The following SHC3 variants were observed in gnomAD, a reference collection of about 807,000 sequenced individuals.
SHC3 encodes SHC-transforming protein 3.
SHC3 carries 15 observed loss-of-function variants against 60.4 expected under a neutral mutation model. The observed-to-expected ratio is 0.25, with a 90% confidence interval of 0.17 to 0.38. The LOEUF (loss-of-function observed/expected upper bound fraction) is 0.38, where lower values mean the gene tolerates loss of function less well. Among genes scored for constraint, SHC3 ranks in the 10% least tolerant of loss-of-function variants. The probability of loss-of-function intolerance (pLI) is 1.00; values close to 1 mark genes in which losing one functional copy is unlikely to be tolerated. For missense variants in SHC3, 677 were observed against 786.1 expected (o/e 0.86, Z 1.66); for synonymous variants, 294 against 325.9 (o/e 0.90, Z 1.05).
At chr9:89,173,753 G>A (rs1826903878) in intron 1 of SHC3, among the ~76,000 whole-genome samples, 1 of 152,022 alleles carries the variant, frequency 6.6e-6, no homozygotes, top group Non-Finnish European at 1.5e-5. Context: ...GTGTATATGT[G>A]TGTGGTGTGT....
chr9:89,109,436 A>C, intron 2 of SHC3: 1 of 985,448 alleles, frequency 1.0e-6, no homozygotes, highest in Non-Finnish European at 1.2e-6. Flanking sequence ...AAGGGTGCTC[A>C]GAGACATGAT....
chr9:89,075,600 T>C (rs1365203748), intron 3 of SHC3, among the ~76,000 whole-genome samples: 4 of 152,134 alleles, frequency 2.6e-5, no homozygotes, highest in Non-Finnish European at 5.9e-5. Context: ...CCTGGTATCA[T>C]CACACCTACT....
intron 1 of SHC3, among the ~76,000 whole-genome samples, chr9:89,172,507 C>T (rs1564197398): frequency 6.6e-6 from 1 of 151,848 alleles, no homozygotes; most frequent in Non-Finnish European, 1.5e-5. Context: ...CCCCACACCC[C>T]ATCACACACA....
rs911085225 is a variant in SHC3, at chr9:89,012,132, T to C, written c.*1315A>G. ...AAGAGCCACGCTGCCAGCAAGCAAA[T>C]GGATCCATCTATTCTTTAAAGGGCA... On this transcript the variant is annotated 3_prime_UTR_variant, in exon 12 of 12. Coordinates refer to ENST00000375835, the MANE Select transcript of SHC3 (RefSeq NM_016848.6). The C allele has an allele frequency of 6.6e-6, 1 of 152,176 alleles. No individual in the cohort carries two copies. The highest frequency in any genetic ancestry group is 1.5e-5 in the Non-Finnish European group (1 of 68,058). 9.4% of individuals were successfully genotyped at this position (152,176 alleles called of 1,614,324 possible).
intron 1 of SHC3, among the ~76,000 whole-genome samples, chr9:89,122,072 C>A (rs1418963763): frequency 6.6e-6 from 1 of 152,208 alleles, no homozygotes; most frequent in Non-Finnish European, 1.5e-5. Flanking sequence ...ATTCTATATA[C>A]CCCAACACAA....
chr9:89,129,412 C>G (rs1233518246), intron 1 of SHC3, among the ~76,000 whole-genome samples: 1 of 152,142 alleles, frequency 6.6e-6, no homozygotes, highest in Non-Finnish European at 1.5e-5. Flanking sequence ...GAGAATGACA[C>G]AAAGATACTC....
intron 9 of SHC3, 56 bp downstream of exon 9, chr9:89,045,690 T>C (rs570144858): frequency 3.3e-5 from 51 of 1,522,758 alleles, no homozygotes; most frequent in South Asian, 1.9e-4. Context: ...GTGGTGAGCA[T>C]GTTACTTTTG....
At chr9:89,153,307 T>A (rs1826571489) in intron 1 of SHC3, among the ~76,000 whole-genome samples, 1 of 152,150 alleles carries the variant, frequency 6.6e-6, no homozygotes, top group Admixed American at 6.5e-5. Context: ...AATAACTTGG[T>A]ATTATGAGAA....
chr9:89,006,856 C>T lies in SHC3; in HGVS notation c.*6591G>A, dbSNP rs762232607. Reference sequence around the variant, plus strand: ...ATTAATATTTAAAGACGGATTTATCCATTAATGCCTGTTTTAATTGTCACT... The same window carrying T: ...ATTAATATTTAAAGACGGATTTATCTATTAATGCCTGTTTTAATTGTCACT... On this transcript the variant is annotated 3_prime_UTR_variant, in exon 12 of 12. Coordinates refer to ENST00000375835, the MANE Select transcript of SHC3 (RefSeq NM_016848.6). 6.6e-6 allele frequency: 1 copy of T among 152,126 alleles called. No individual in the cohort carries two copies. Among genetic ancestry groups the T allele is most frequent in the Non-Finnish European group, 1.5e-5 (1 of 68,020 alleles). 9.4% of individuals were successfully genotyped at this position (152,126 alleles called of 1,614,324 possible). A position where few individuals can be genotyped will look rare whatever the true frequency, so the allele number is the denominator to read the frequency against.
rs1391832867 is a variant in SHC3 at position 89,178,219 on chromosome 9, A to T, written c.242T>A (p.Leu81His). 6.9e-7 allele frequency: 1 copy of T among 1,445,480 alleles called. No individual in the cohort carries two copies. Among genetic ancestry groups the T allele is most frequent in the South Asian group, 1.4e-5 (1 of 71,742 alleles). 89.5% of individuals were successfully genotyped at this position (1,445,480 alleles called of 1,614,324 possible). The change falls in exon 1 of 12, where the codon CTC (leucine) becomes CAC (histidine). Residue 81 changes from leucine to histidine, a missense_variant. Physicochemically the swap from Leu to His is moderately conservative, Grantham distance 99. Coordinates refer to ENST00000375835, the MANE Select transcript of SHC3 (RefSeq NM_016848.6). This position sits in a 1 kb window ranked among gnomAD's most constrained non-coding sequence, Gnocchi z 6.9. The stretch of plus-strand genomic sequence containing the variant: ...CCGGGCGGCCGACGACAGGCCGCGG[A>T]GGCCCGAGCTGGAGAGTTTCAGGTG... ...VSHLKLSSSG[L>H]RGLSSAARER...
At chr9:89,093,067 C>A (rs1052809436) in intron 2 of SHC3, among the ~76,000 whole-genome samples, 4 of 152,172 alleles carry the variant, frequency 2.6e-5, no homozygotes, top group African/African-American at 9.7e-5. Flanking sequence ...CATGGACATA[C>A]TGTGGACATA....
chr9:89,107,079 C>T (rs970830719), intron 2 of SHC3, among the ~76,000 whole-genome samples: 3 of 152,144 alleles, frequency 2.0e-5, no homozygotes, highest in Non-Finnish European at 2.9e-5. Context: ...AACTGCTGCA[C>T]AGAGTTGGAC....
chr9:89,125,310 A>C (rs9410460), intron 1 of SHC3, among the ~76,000 whole-genome samples: 151,641 of 152,234 alleles, frequency 1, 75,530 homozygotes, highest in East Asian at 1. Context: ...TGTGTTCAGG[A>C]CAGATAAGTT....
rs752197758 is a variant in SHC3, at chr9:89,046,906, G to T, written c.1051C>A (p.Pro351Thr). Reference protein sequence around the residue: ...YYNSIPSKMPPPGGFLDTRLK... With the variant: ...YYNSIPSKMPTPGGFLDTRLK... ...CTAGTATCAAGAAAGCCCCCTGGAG[G>T]AGGCATCTTGCTTGGGATGCTGTTG... The change falls in exon 8 of 12, where the codon CCT (proline) becomes ACT (threonine). Residue 351 changes from proline to threonine, a missense_variant. Coordinates refer to ENST00000375835, the MANE Select transcript of SHC3 (RefSeq NM_016848.6). 9 of 1,610,828 alleles carry T rather than the reference G, an allele frequency of 5.6e-6. No individual in the cohort carries two copies. The African/African-American group carries it at 9.3e-5, about 17-fold the overall frequency.
intron 2 of SHC3, among the ~76,000 whole-genome samples, chr9:89,080,912 G>A (rs1232713873): frequency 6.6e-6 from 1 of 151,574 alleles, no homozygotes; most frequent in Non-Finnish European, 1.5e-5. Flanking sequence ...GACTGCAGGC[G>A]CCGGCCACCA....
intron 7 of SHC3, among the ~76,000 whole-genome samples, chr9:89,051,561 A>G (rs1587696614): frequency 6.6e-6 from 1 of 152,248 alleles, no homozygotes; most frequent in Admixed American, 6.5e-5. Context: ...TAAACAAACT[A>G]CCAAGCTGTT....
rs75802416 is a variant in SHC3 at position 89,135,331 on chromosome 9, G to C, written c.475-22705C>G. Among the ~76,000 whole-genome samples the C allele has an allele frequency of 2.3e-3, 356 of 152,050 alleles. 1 individual carries two copies. Among genetic ancestry groups the C allele is most frequent in the African/African-American group, 8.0e-3 (333 of 41,462 alleles). On this transcript the variant is annotated intron_variant, in intron 1 of 11. Transcript: ENST00000375835. ...TTTCTGACAGGCTGAGAAGCCCCAA[G>C]TTTTCTTCAGACCTCAAAAGAAGAA...
rs545478257 is a variant in SHC3, at chr9:89,013,917, C to T, written c.1657-342G>A. On this transcript the variant is annotated intron_variant, in intron 11 of 11. Coordinates refer to ENST00000375835, the MANE Select transcript of SHC3 (RefSeq NM_016848.6). ...CCTGTCTCTCCTGCTCCCTCCCTGG[C>T]CCTCTCAGGATAGCCCTGAACTGGG... Among the ~76,000 whole-genome samples the T allele has an allele frequency of 4.6e-5, 7 of 152,330 alleles. No individual in the cohort carries two copies. The East Asian group carries it at 1.4e-3, about 29-fold the overall frequency.
chr9:89,164,622 T>C (rs1346668343), intron 1 of SHC3, among the ~76,000 whole-genome samples: 1 of 151,988 alleles, frequency 6.6e-6, no homozygotes, highest in African/African-American at 2.4e-5. Flanking sequence ...ATTAGGCAGA[T>C]GAGATGACAG....
Sources: gnomAD v4.1 joint callset for allele counts (sites outside exome capture counted in the v4.1 genomes callset) on GRCh38, gnomAD v4.1.1 for gene constraint, Gnocchi (gnomAD v3.1) non-coding constraint, MANE v1.5 for transcripts, NCBI Gene and HGNC (gene_info 2026-07-23, HGNC 2026-07-21) for gene names.